The following NOCT variants were observed in gnomAD, a reference collection of about 807,000 sequenced individuals.
NOCT encodes the protein CCR4 carbon catabolite repression 4-like.
Under a neutral mutation model 35.0 loss-of-function variants are expected in NOCT, and 18 were observed. The observed-to-expected ratio is 0.51, with a 90% CI of 0.36 to 0.76. NOCT has a LOEUF of 0.76. NOCT is among the 30% of genes least tolerant of loss of function. The pLI is 0.01. For synonymous variants in NOCT, 235 were observed against 226.3 expected (o/e 1.04, Z -0.34); for missense variants, 479 against 541.0 (o/e 0.89, Z 1.14).
chr4:139,041,178 A>G (rs1209555810), intron 1 of NOCT, among the ~76,000 whole-genome samples: 1 of 152,186 alleles, frequency 6.6e-6, no homozygotes, highest in Non-Finnish European at 1.5e-5. Context: ...CTTTGAGTAG[A>G]CAGGAAGGAA....
Position 139,045,610 on chromosome 4 carries a change from G to A in NOCT, c.*136G>A, listed in dbSNP as rs563412654. 107 of 531,256 alleles carry A rather than the reference G, an allele frequency of 2.0e-4. No homozygotes were observed. The highest frequency in any genetic ancestry group is 6.5e-4 in the South Asian group (22 of 33,828). 32.9% of individuals were successfully genotyped at this position (531,256 alleles called of 1,614,324 possible). On this transcript the variant is annotated 3_prime_UTR_variant, in exon 3 of 3. Coordinates refer to ENST00000280614, the MANE Select transcript of NOCT (RefSeq NM_012118.4). The stretch of plus-strand genomic sequence containing the variant: ...CGGCTCACTGCAAGATCCGCCTCCC[G>A]GGTTCATGGCATTCTCCTGCCTCAG...
intron 1 of NOCT, among the ~76,000 whole-genome samples, chr4:139,025,543 G>A (rs902016912): frequency 1.3e-5 from 2 of 152,162 alleles, no homozygotes; most frequent in African/African-American, 4.8e-5. Context: ...AGGCGCGGTG[G>A]CTCACGCCTG....
chr4:139,026,367 C>G (rs1726515397), intron 1 of NOCT, among the ~76,000 whole-genome samples: 3 of 151,830 alleles, frequency 2.0e-5, no homozygotes, highest in Non-Finnish European at 4.4e-5. Context: ...TCCCAAAGTG[C>G]TGGGATTACA....
intron 1 of NOCT, among the ~76,000 whole-genome samples, chr4:139,034,166 A>G (rs1172516120): frequency 6.6e-6 from 1 of 152,116 alleles, no homozygotes; most frequent in Admixed American, 6.6e-5. Context: ...AGGTCAAGAG[A>G]GGGCTGAACT....
intron 1 of NOCT, among the ~76,000 whole-genome samples, chr4:139,031,456 AGTGAT>A (rs1296991335): frequency 6.7e-6 from 1 of 148,404 alleles, no homozygotes; most frequent in Non-Finnish European, 1.5e-5. Flanking sequence ...GCCTGCCCTG[AGTGAT>A]TCCTTAGTGC....
intron 1 of NOCT, among the ~76,000 whole-genome samples, chr4:139,018,990 A>G (rs1438886952): frequency 6.6e-6 from 1 of 152,230 alleles, no homozygotes; most frequent in Non-Finnish European, 1.5e-5. Flanking sequence ...GGCACTTTGC[A>G]AAAATGGACA....
At chr4:139,028,016 C>T (rs923339347) in intron 1 of NOCT, 12 of 152,192 alleles carry the variant, frequency 7.9e-5, no homozygotes, top group African/African-American at 2.9e-4. Context: ...CAGAAGGCGC[C>T]TTATAGTTTC....
In NOCT at chr4:139,016,641, GTTTTTTTTTTT is replaced by G. The variant is rs10541748; in HGVS notation, c.190+490_190+500del. ...ATAACACATTGATTCGTTTTACGTT[GTTTTTTTTTTT>G]TTTTTTTTTTTTTTTTTTTGAGATG... On this transcript the variant is annotated intron_variant, in intron 1 of 2. Coordinates refer to ENST00000280614, the MANE Select transcript of NOCT (RefSeq NM_012118.4). Among the ~76,000 whole-genome samples, 6 of 53,804 alleles carry G rather than the reference GTTTTTTTTTTT, an allele frequency of 1.1e-4. No homozygotes were observed. In the East Asian group the frequency reaches 2.1e-3, roughly 19 times the overall value. 35.3% of individuals were successfully genotyped at this position (53,804 alleles called of 152,430 possible).
chr4:139,019,196 C>T (rs979672573), intron 1 of NOCT, among the ~76,000 whole-genome samples: 3 of 152,290 alleles, frequency 2.0e-5, no homozygotes, highest in African/African-American at 7.2e-5. Context: ...GCTGTGACTA[C>T]AGGCACACGC....
intron 2 of NOCT, among the ~76,000 whole-genome samples, chr4:139,044,355 C>T (rs959263055): frequency 6.6e-6 from 1 of 152,094 alleles, no homozygotes; most frequent in Non-Finnish European, 1.5e-5. Context: ...TTTTATATAG[C>T]TTAGATCCCT....
chr4:139,017,847 C>T (rs184670652), intron 1 of NOCT, among the ~76,000 whole-genome samples: 2 of 152,074 alleles, frequency 1.3e-5, no homozygotes, highest in African/African-American at 4.8e-5. Context: ...TAAAAATGGT[C>T]ATCTGGAATG....
intron 1 of NOCT, among the ~76,000 whole-genome samples, chr4:139,039,450 CTACTTTT>C (rs1198114999): frequency 6.6e-6 from 1 of 151,326 alleles, no homozygotes; most frequent in African/African-American, 2.4e-5. Context: ...TTTTCAATAT[CTACTTTT>C]TAAGTATTTT....
chr4:139,045,207 C>T lies in NOCT; in HGVS notation c.1029C>T (p.Asn343=), dbSNP rs1454859782. ...VYKHFASSSL[N]LNSAYKLLSA... ...AACACTTTGCTTCCTCCAGCCTCAA[C>T]CTGAACAGCGCCTACAAGCTGCTGA... The change falls in exon 3 of 3, where the codon AAC becomes AAT. Residue 343 remains asparagine, a synonymous_variant. Transcript: ENST00000280614. 1 of 1,614,208 alleles carries T rather than the reference C, an allele frequency of 6.2e-7. No individual in the cohort carries two copies. The highest frequency in any genetic ancestry group is 1.1e-5 in the South Asian group (1 of 91,086).
Position 139,015,996 on chromosome 4 carries a change from G to C in NOCT, c.15G>C (p.Pro5=). 1 of 1,383,144 alleles carries C rather than the reference G, an allele frequency of 7.2e-7. No individual in the cohort carries two copies. The highest frequency in any genetic ancestry group is 9.3e-7 in the Non-Finnish European group (1 of 1,070,370). The allele number at this position is 1,383,144 out of a possible 1,614,324, so 85.7% of individuals were successfully genotyped here. Residue 5 remains proline (P), a synonymous_variant, in exon 1 of 3, where the codon CCG becomes CCC. Transcript: ENST00000280614. The stretch of plus-strand genomic sequence containing the variant: ...CGGCGCCCGGCATGTTTCATAGTCC[G>C]CGGCGGCTCTGCTCGGCCCTGCTGC... The part of the protein sequence containing the change: MFHS[P]RRLCSALLQR...
At chr4:139,035,760 C>T (rs980632113) in intron 1 of NOCT, among the ~76,000 whole-genome samples, 3 of 152,198 alleles carry the variant, frequency 2.0e-5, no homozygotes, top group Non-Finnish European at 4.4e-5. Context: ...CAGCAAGGCC[C>T]TACCCGATCT....
chr4:139,040,257 G>T (rs1726812731), intron 1 of NOCT, among the ~76,000 whole-genome samples: 1 of 147,374 alleles, frequency 6.8e-6, no homozygotes, highest in South Asian at 2.2e-4. Flanking sequence ...AGCCAAGATG[G>T]TCTCGATCTT....
chr4:139,045,509 ATTTTTTT>A lies in NOCT; in HGVS notation c.*54_*60del, dbSNP rs546346607. On this transcript the variant is annotated 3_prime_UTR_variant, in exon 3 of 3. Coordinates refer to ENST00000280614, the MANE Select transcript of NOCT (RefSeq NM_012118.4). ...TTTGTCTTTTTAATCACAGGAGTCT[ATTTTTTT>A]TTTTTTTTTTTTTTTTTTGAGACAG... The A allele has an allele frequency of 0.032, 12,185 of 379,018 alleles. 63 individuals are homozygous for A. The highest frequency in any genetic ancestry group is 0.04 in the Non-Finnish European group (9,340 of 233,048). The allele number at this position is 379,018 out of a possible 1,614,324, so 23.5% of individuals were successfully genotyped here. A position where few individuals can be genotyped will look rare whatever the true frequency, so the allele number is the denominator to read the frequency against.
At chr4:139,017,719 T>C (rs946210942) in intron 1 of NOCT, among the ~76,000 whole-genome samples, 2 of 151,470 alleles carry the variant, frequency 1.3e-5, no homozygotes, top group East Asian at 4.0e-4. Context: ...CACTTGAACC[T>C]GGGAGGCGGA....
In NOCT at chr4:139,016,098, C is replaced by T; in HGVS notation, c.117C>T (p.Pro39=). The change falls in exon 1 of 3, where the codon CCC becomes CCT. Residue 39 remains proline, a synonymous_variant. Transcript: ENST00000280614. ...CGTTGTCCCCGCCGGCTGCTGTTCC[C>T]AGGCCCGCATCCCCCCGGCTGCTGG... is the stretch of plus-strand genomic sequence containing the variant. The part of the protein sequence containing the change: ...RRPLSPPAAV[P]RPASPRLLAA... 14 of 1,346,164 alleles carry T rather than the reference C, an allele frequency of 1.0e-5. No homozygotes were observed. The highest frequency in any genetic ancestry group is 1.2e-5 in the Non-Finnish European group (13 of 1,047,900). 83.4% of individuals were successfully genotyped at this position (1,346,164 alleles called of 1,614,324 possible).
Sources: gnomAD v4.1 joint callset for allele counts (sites outside exome capture counted in the v4.1 genomes callset) on GRCh38, gnomAD v4.1.1 for gene constraint, MANE v1.5 for transcripts, NCBI Gene and HGNC (gene_info 2026-07-23, HGNC 2026-07-21) for gene names.